Variants in MAP2K1 observed in about 807,000 individuals in gnomAD.
MAP2K1 encodes mitogen-activated protein kinase kinase 1.
In MAP2K1, 16 loss-of-function variants were observed where a neutral mutation model predicts 46.3. That is an observed-to-expected ratio of 0.35 (90% CI 0.23 to 0.52). The LOEUF is 0.52. Ranked by LOEUF, MAP2K1 falls within the 20% of genes least tolerant of loss-of-function variation. The pLI, the probability that MAP2K1 is intolerant of heterozygous loss-of-function variation, is 0.94. For synonymous variants in MAP2K1, 183 were observed against 185.6 expected (o/e 0.99, Z 0.11); for missense variants, 263 against 497.1 (o/e 0.53, Z 4.48).
At chr15:66,439,952 A>T (rs990931740) in intron 3 of MAP2K1, among the ~76,000 whole-genome samples, 40 of 151,720 alleles carry the variant, frequency 2.6e-4, no homozygotes, top group African/African-American at 9.4e-4. Flanking sequence ...AAAAAAAAAA[A>T]ATTCTAGCAT....
chr15:66,444,912 C>T (rs548923036), intron 5 of MAP2K1: 96 of 569,328 alleles, frequency 1.7e-4, no homozygotes, highest in Middle Eastern at 9.6e-4. Context: ...TTGCCTATAG[C>T]TGTGATGGAC....
chr15:66,419,589 A>G (rs1011110482), intron 1 of MAP2K1, among the ~76,000 whole-genome samples: 1 of 152,194 alleles, frequency 6.6e-6, no homozygotes, highest in African/African-American at 2.4e-5. Flanking sequence ...AAGGAACCAT[A>G]GGCTGTCACT....
intron 10 of MAP2K1, 82 bp downstream of exon 10, chr15:66,489,845 G>C (rs1327463326): frequency 8.3e-7 from 1 of 1,207,390 alleles, no homozygotes; most frequent in African/African-American, 1.5e-5. Flanking sequence ...AGTACTTCCA[G>C]AGCCCATTCA....
intron 5 of MAP2K1, among the ~76,000 whole-genome samples, chr15:66,475,443 T>A (rs868736547): frequency 2.4e-4 from 36 of 152,328 alleles, no homozygotes; most frequent in South Asian, 4.1e-4. Context: ...TCACTCTGCT[T>A]GCTTCTCAGC....
intron 1 of MAP2K1, among the ~76,000 whole-genome samples, chr15:66,399,403 A>G (rs772991494): frequency 6.6e-5 from 10 of 152,120 alleles, no homozygotes; most frequent in Admixed American, 3.3e-4. Context: ...CTGCTTGTCT[A>G]CATTGTATGA....
intron 5 of MAP2K1, among the ~76,000 whole-genome samples, chr15:66,469,676 CAT>C (rs1343460168): frequency 3.2e-5 from 2 of 61,752 alleles, no homozygotes; most frequent in Non-Finnish European, 6.5e-5. Flanking sequence ...AAACCCAAAA[CAT>C]AAAATCCTTT....
At chr15:66,458,932 G>C (rs1175017860) in intron 5 of MAP2K1, among the ~76,000 whole-genome samples, 8 of 152,130 alleles carry the variant, frequency 5.3e-5, no homozygotes, top group Non-Finnish European at 2.9e-5. Context: ...TGCCTCAAAA[G>C]TGTTCCTTTA....
chr15:66,391,965 C>A (rs1013136673), intron 1 of MAP2K1, among the ~76,000 whole-genome samples: 8 of 152,256 alleles, frequency 5.3e-5, no homozygotes, highest in Admixed American at 2.6e-4. Context: ...GTAACAACCA[C>A]AAAATCTCAG....
At chr15:66,478,288 T>C (rs12914762) in intron 5 of MAP2K1, among the ~76,000 whole-genome samples, 8,175 of 145,142 alleles carry the variant, frequency 0.056, 330 homozygotes, top group Middle Eastern at 0.11. Context: ...TATATATATA[T>C]ACTATATATA....
At chr15:66,479,497 G>C (rs1405589529) in intron 5 of MAP2K1, among the ~76,000 whole-genome samples, 1 of 152,192 alleles carries the variant, frequency 6.6e-6, no homozygotes, top group African/African-American at 2.4e-5. Flanking sequence ...TGTAGGAGAC[G>C]AGGGTCGCAG....
At chr15:66,417,305 T>TA (rs1157225109) in intron 1 of MAP2K1, among the ~76,000 whole-genome samples, 4 of 152,168 alleles carry the variant, frequency 2.6e-5, no homozygotes, top group African/African-American at 7.2e-5. Flanking sequence ...TGCAGTGTCT[T>TA]ACGCCTGTAA....
intron 1 of MAP2K1, among the ~76,000 whole-genome samples, chr15:66,420,110 G>T (rs553153379): frequency 1.3e-5 from 2 of 152,154 alleles, no homozygotes; most frequent in African/African-American, 4.8e-5. Flanking sequence ...TGGGCATGGT[G>T]GTGGGCACCT....
At chr15:66,480,158 G>A (rs1038999764) in intron 5 of MAP2K1, among the ~76,000 whole-genome samples, 16 of 150,714 alleles carry the variant, frequency 1.1e-4, no homozygotes, top group Non-Finnish European at 2.4e-4. Flanking sequence ...GCATGATGTC[G>A]GCTCACCACA....
chr15:66,398,789 T>G (rs985318139), intron 1 of MAP2K1, among the ~76,000 whole-genome samples: 106 of 152,162 alleles, frequency 7.0e-4, no homozygotes, highest in African/African-American at 2.5e-3. Flanking sequence ...TTCTTTTTTT[T>G]TTTGAGACAG....
chr15:66,425,441 G>A (rs189600493), intron 1 of MAP2K1, among the ~76,000 whole-genome samples: 54 of 151,944 alleles, frequency 3.6e-4, no homozygotes, highest in Non-Finnish European at 4.7e-4. Flanking sequence ...CATCTTGGCC[G>A]CCTACTCTTC....
intron 5 of MAP2K1, among the ~76,000 whole-genome samples, chr15:66,461,759 C>T (rs1044869367): frequency 3.3e-5 from 5 of 152,112 alleles, no homozygotes; most frequent in Admixed American, 1.3e-4. Context: ...CAAGTGACCT[C>T]CGAGCCACTG....
At chr15:66,413,143 G>A (rs913528597) in intron 1 of MAP2K1, among the ~76,000 whole-genome samples, 6 of 152,226 alleles carry the variant, frequency 3.9e-5, no homozygotes, top group African/African-American at 1.4e-4. Context: ...TGATCCACCT[G>A]CCTCGGCCTC....
intron 1 of MAP2K1, among the ~76,000 whole-genome samples, chr15:66,396,416 C>T (rs1385723386): frequency 5.3e-5 from 8 of 152,032 alleles, no homozygotes; most frequent in Admixed American, 5.2e-4. Context: ...ATAACAGGCA[C>T]ACACCACCAT....
intron 1 of MAP2K1, among the ~76,000 whole-genome samples, chr15:66,423,144 T>C (rs1474852305): frequency 6.6e-6 from 1 of 152,150 alleles, no homozygotes; most frequent in Non-Finnish European, 1.5e-5. Context: ...GGTCACTGAT[T>C]GTTCCCTCAG....
Sources: gnomAD v4.1 joint callset for allele counts (sites outside exome capture counted in the v4.1 genomes callset) on GRCh38, gnomAD v4.1.1 for gene constraint, MANE v1.5 for transcripts, NCBI Gene and HGNC (gene_info 2026-07-23, HGNC 2026-07-21) for gene names.